DMD: variants seen among roughly 807,000 people sequenced by gnomAD.
DMD encodes the protein mutant dystrophin.
Under a neutral mutation model 330.1 loss-of-function variants are expected in DMD, and 63 were observed. That is an observed-to-expected ratio of 0.19 (90% CI 0.16 to 0.24). The LOEUF (loss-of-function observed/expected upper bound fraction) is 0.24. Ranked by LOEUF, DMD falls within the 10% of genes least tolerant of loss-of-function variation. The pLI, the probability that DMD is intolerant of heterozygous loss-of-function variation, is 1.00. For synonymous variants in DMD, 1,223 were observed against 959.8 expected (o/e 1.27, Z -5.07); for missense variants, 3,344 against 2,684.1 (o/e 1.25, Z -5.43).
chrX:32,207,334 C>T (rs1042131926), intron 44 of DMD, among the ~76,000 whole-genome samples: 1 of 111,283 alleles, frequency 9.0e-6, no homozygotes, highest in African/African-American at 3.3e-5. Flanking sequence ...GCCCTCTAAT[C>T]GTCCATCATG....
At chrX:31,956,239 T>C (rs1270054056) in intron 45 of DMD, among the ~76,000 whole-genome samples, 2 of 112,048 alleles carry the variant, frequency 1.8e-5, no homozygotes, top group African/African-American at 6.5e-5. Flanking sequence ...CATAGAGCAA[T>C]GATACCAACC....
chrX:32,806,244 C>T (rs990354051), intron 7 of DMD, among the ~76,000 whole-genome samples: 47 of 110,679 alleles, frequency 4.2e-4, no homozygotes, highest in African/African-American at 1.4e-3. Flanking sequence ...GGAATATTTA[C>T]CAAGCAAATG....
At chrX:32,981,408 C>A (rs1431087569) in intron 2 of DMD, among the ~76,000 whole-genome samples, 1 of 111,126 alleles carries the variant, frequency 9.0e-6, no homozygotes, top group African/African-American at 3.3e-5. Context: ...CAATTTTATG[C>A]GGTTCATAGC....
chrX:32,574,212 A>T (rs2052758826), intron 13 of DMD, among the ~76,000 whole-genome samples: 1 of 112,081 alleles, frequency 8.9e-6, no homozygotes, highest in Admixed American at 9.5e-5. Context: ...ACCCTAAAGA[A>T]TAAAAGTCTA....
intron 43 of DMD, among the ~76,000 whole-genome samples, chrX:32,234,181 T>C (rs2097179422): frequency 1.8e-5 from 2 of 110,987 alleles, no homozygotes; most frequent in Admixed American, 9.6e-5. Context: ...TGTGAGATTA[T>C]AGTTCATTTT....
chrX:32,068,493 G>T (rs2096275701), intron 44 of DMD, among the ~76,000 whole-genome samples: 1 of 106,242 alleles, frequency 9.4e-6, no homozygotes, highest in African/African-American at 3.4e-5. Flanking sequence ...ATAGCTTGAA[G>T]TCTTACATTT....
In DMD at chrX:33,242,766, T is replaced by C. The variant is rs771189982; in HGVS notation, c.7+96493A>G. On this transcript the variant is annotated intron_variant, in intron 1 of 17. Transcript: ENST00000288447. ...CATCCATGCCAACATCTACCGTTTT[T>C]TGATTTTTTGATTATGGCCATTCTT... 2.7e-5 allele frequency among the ~76,000 whole-genome samples: 3 copies of C among 111,618 alleles called. No homozygotes were observed. The East Asian group carries it at 8.5e-4, about 32-fold the overall frequency.
rs746790892 is a variant in DMD at position 32,131,020 on chromosome X, A to G, written c.6438+85896T>C. Among the ~76,000 whole-genome samples the G allele has an allele frequency of 4.5e-5, 5 of 110,850 alleles. No individual in the cohort carries two copies. In the South Asian group the frequency reaches 2.0e-3, roughly 43 times the overall value. On this transcript the variant is annotated intron_variant, in intron 44 of 78. Transcript: ENST00000357033. ...GCCAATATGGTGAAACCCCATCTCT[A>G]CTAAAAATACAAAAATTAGCCAGGC... is the stretch of plus-strand genomic sequence containing the variant.
chrX:32,414,265 C>T (rs1385284224), intron 29 of DMD, among the ~76,000 whole-genome samples: 1 of 111,694 alleles, frequency 9.0e-6, no homozygotes, highest in Non-Finnish European at 1.9e-5. Context: ...TTCCAAGTGG[C>T]TACCTCTGGC....
At chrX:32,074,865 GCAACAACAA>G in intron 44 of DMD, among the ~76,000 whole-genome samples, 1 of 103,940 alleles carries the variant, frequency 9.6e-6, no homozygotes, top group East Asian at 3.2e-4. Flanking sequence ...AGCAGCAGCA[GCAACAACAA>G]CAACGACAAC....
rs758117898 is a variant in DMD at position 32,466,912 on chromosome X, T to C, written c.3162+1586A>G. Among the ~76,000 whole-genome samples the C allele has an allele frequency of 3.6e-3, 403 of 111,505 alleles. 1 individual carries two copies. Among genetic ancestry groups the C allele is most frequent in the African/African-American group, 0.013 (385 of 30,697 alleles). On this transcript the variant is annotated intron_variant, in intron 23 of 78. Transcript: ENST00000357033. ...CTTCCAGAACTCTAATAAATTTGTG[T>C]TGCTTGAAGTTATTAAATTTCCGGC...
chrX:32,960,547 G>A (rs910120681), intron 2 of DMD, among the ~76,000 whole-genome samples: 2 of 111,526 alleles, frequency 1.8e-5, no homozygotes, highest in African/African-American at 6.5e-5. Flanking sequence ...AGGTTTCCCA[G>A]GGAACAATCC....
chrX:31,853,352 T>C (rs891876636), intron 48 of DMD, among the ~76,000 whole-genome samples: 1 of 112,631 alleles, frequency 8.9e-6, no homozygotes, highest in African/African-American at 3.2e-5. Flanking sequence ...AATAACTCTT[T>C]ATTTCTGAAA....
At chrX:32,083,350 C>T (rs1297756681) in intron 44 of DMD, among the ~76,000 whole-genome samples, 2 of 109,665 alleles carry the variant, frequency 1.8e-5, no homozygotes, top group East Asian at 2.9e-4. Flanking sequence ...TCTCGGCTAC[C>T]GGGTTCAAGT....
rs564238547 is a variant in DMD, at chrX:32,850,373, C to T, written c.94-553G>A. On this transcript the variant is annotated intron_variant, in intron 2 of 78. Transcript: ENST00000357033. ...TAGGTTTGAAACAACCCTGTGAGAG[C>T]TTTTCATCTATTTTACTCAGTTCTT... Among the ~76,000 whole-genome samples the T allele has an allele frequency of 1.5e-4, 17 of 111,963 alleles. 2 individuals carry two copies. The South Asian group carries it at 6.3e-3, about 42-fold the overall frequency.
At chrX:32,562,512 G>A (rs760704684) in intron 16 of DMD, among the ~76,000 whole-genome samples, 1 of 112,228 alleles carries the variant, frequency 8.9e-6, no homozygotes, top group African/African-American at 3.2e-5. Flanking sequence ...CCTCACAATA[G>A]GTTTTAACCA....
chrX:33,331,414 G>T (rs1569136111), intron 1 of DMD, among the ~76,000 whole-genome samples: 1 of 111,659 alleles, frequency 9.0e-6, no homozygotes, highest in South Asian at 3.7e-4. Context: ...ATTGTTGCTG[G>T]ACCGAACAAT....
chrX:33,103,324 A>C (rs2095256533), intron 1 of DMD, among the ~76,000 whole-genome samples: 1 of 111,279 alleles, frequency 9.0e-6, no homozygotes, highest in Admixed American at 9.6e-5. Flanking sequence ...TGTGACCTGC[A>C]TGTATACGCC....
intron 44 of DMD, among the ~76,000 whole-genome samples, chrX:32,167,627 C>T (rs1381547899): frequency 8.9e-6 from 1 of 112,398 alleles, no homozygotes; most frequent in East Asian, 2.8e-4. Flanking sequence ...GGTCTAACAA[C>T]GTCCCTGATA....
Sources: allele counts gnomAD v4.1 joint callset (sites outside exome capture counted in the v4.1 genomes callset), GRCh38; gene constraint gnomAD v4.1.1; transcripts MANE v1.5; gene names NCBI Gene and HGNC (gene_info 2026-07-23, HGNC 2026-07-21).